Variants in MARCHF8 observed in about 807,000 individuals in gnomAD.
MARCHF8 encodes the protein membrane associated ring-CH-type finger 8, also known as E3 ubiquitin-protein ligase MARCHF8.
A neutral mutation model predicts 51.6 loss-of-function variants in MARCHF8; 40 were observed. The ratio of observed to expected loss-of-function variants is 0.77; its 90% CI spans 0.60 to 1.01. The LOEUF (loss-of-function observed/expected upper bound fraction) is 1.01. Ranked by LOEUF, MARCHF8 falls within the 50% of genes least tolerant of loss-of-function variation. MARCHF8 has a pLI of 0.00. For synonymous variants in MARCHF8, 263 were observed against 280.3 expected, an observed-to-expected ratio of 0.94 and a Z score of 0.62; for missense variants, 685 against 708.6, an observed-to-expected ratio of 0.97 and a Z score of 0.38.
intron 2 of MARCHF8, among the ~76,000 whole-genome samples, chr10:45,519,177 T>C (rs770226271): frequency 8.5e-5 from 13 of 152,266 alleles, no homozygotes; most frequent in Non-Finnish European, 1.5e-4. Flanking sequence ...CATTCAAGCA[T>C]GGGTATCATG....
chr10:45,548,210 C>T (rs1478255640), intron 1 of MARCHF8, among the ~76,000 whole-genome samples: 1 of 152,208 alleles, frequency 6.6e-6, no homozygotes, highest in African/African-American at 2.4e-5. Flanking sequence ...AAGCCTAATG[C>T]TGAAGTCCTG....
At chr10:45,468,638 C>G (rs1274656706) in intron 3 of MARCHF8, among the ~76,000 whole-genome samples, 1 of 152,108 alleles carries the variant, frequency 6.6e-6, no homozygotes, top group African/African-American at 2.4e-5. Context: ...GGTTAAGAGG[C>G]CAGAAGAGCT....
At chr10:45,554,445 T>C (rs1011140429) in intron 1 of MARCHF8, among the ~76,000 whole-genome samples, 6 of 152,180 alleles carry the variant, frequency 3.9e-5, no homozygotes, top group Non-Finnish European at 7.4e-5. Context: ...GGTCACTAAA[T>C]ACAATTTCCC....
intron 1 of MARCHF8, among the ~76,000 whole-genome samples, chr10:45,568,601 C>A (rs2044391560): frequency 6.6e-6 from 1 of 151,754 alleles, no homozygotes; most frequent in Admixed American, 6.6e-5. Context: ...TGCCTGTAAT[C>A]CCAGCTACTC....
upstream of MARCHF8, among the ~76,000 whole-genome samples, chr10:45,538,869 GAA>G (rs1207519673): frequency 2.0e-5 from 3 of 152,158 alleles, no homozygotes. Flanking sequence ...GTAATAATGG[GAA>G]AGTTTTAACA....
rs1007322405 is a variant in MARCHF8, at chr10:45,461,368, G to T, written c.1132C>A (p.Pro378Thr). Reference protein sequence around the residue: ...EGDDESPLITPCHCTGSLHFV... With the variant: ...EGDDESPLITTCHCTGSLHFV... Reference sequence around the variant, plus strand: ...TGGAGGCTTCCTGTGCAGTGGCAGGGGGTGATCAGGGGGCTCTCATCATCT... The same window carrying T: ...TGGAGGCTTCCTGTGCAGTGGCAGGTGGTGATCAGGGGGCTCTCATCATCT... The change falls in exon 6 of 8, where the codon CCC (proline) becomes ACC (threonine). Residue 378 changes from proline (P) to threonine (T), a missense_variant. Transcript: ENST00000453424. The T allele has an allele frequency of 8.1e-6, 13 of 1,597,382 alleles. No individual in the cohort carries two copies. The highest frequency in any genetic ancestry group is 1.4e-5 in the African/African-American group (1 of 73,874).
chr10:45,470,835 T>C (rs904461015), intron 3 of MARCHF8, among the ~76,000 whole-genome samples: 1 of 152,184 alleles, frequency 6.6e-6, no homozygotes, highest in African/African-American at 2.4e-5. Context: ...AGATTACATC[T>C]TGACAAACTT....
intron 1 of MARCHF8, among the ~76,000 whole-genome samples, chr10:45,593,029 C>A (rs1454002951): frequency 1.3e-5 from 2 of 152,156 alleles, no homozygotes; most frequent in Non-Finnish European, 2.9e-5. Flanking sequence ...CCAATTTCCT[C>A]ATTTTTCAGC....
intron 1 of MARCHF8, among the ~76,000 whole-genome samples, chr10:45,553,851 A>ACT (rs1297928394): frequency 1.4e-5 from 2 of 147,646 alleles, no homozygotes; most frequent in Non-Finnish European, 1.5e-5. Context: ...ACACACACAC[A>ACT]CTCTTGCTCA....
chr10:45,536,876 AT>A (rs2043979300), upstream of MARCHF8, among the ~76,000 whole-genome samples: 1 of 146,314 alleles, frequency 6.8e-6, no homozygotes, highest in African/African-American at 2.5e-5. Flanking sequence ...AATAATAATA[AT>A]AATAAAGACA....
intron 2 of MARCHF8, among the ~76,000 whole-genome samples, chr10:45,515,275 A>C (rs996975141): frequency 6.6e-6 from 1 of 152,168 alleles, no homozygotes; most frequent in Non-Finnish European, 1.5e-5. Context: ...AGGCAGTCCA[A>C]TCACCTGTAA....
At chr10:45,460,896 A>AT (rs1158352908) in intron 6 of MARCHF8, among the ~76,000 whole-genome samples, 4 of 152,214 alleles carry the variant, frequency 2.6e-5, no homozygotes, top group Non-Finnish European at 5.9e-5. Context: ...TAATCAGAGA[A>AT]GCAGGACGTC....
chr10:45,485,576 C>T (rs751133472), intron 3 of MARCHF8, among the ~76,000 whole-genome samples: 1 of 152,230 alleles, frequency 6.6e-6, no homozygotes, highest in Non-Finnish European at 1.5e-5. Flanking sequence ...AACCTACCTG[C>T]TTCCTTCTTT....
chr10:45,492,398 T>C (rs967431197), intron 2 of MARCHF8, among the ~76,000 whole-genome samples: 4 of 152,020 alleles, frequency 2.6e-5, no homozygotes, highest in African/African-American at 7.2e-5. Context: ...CCCAGGTTCA[T>C]GCCACTCTCC....
At chr10:45,466,856 C>T (rs1366055513) in intron 3 of MARCHF8, among the ~76,000 whole-genome samples, 1 of 152,204 alleles carries the variant, frequency 6.6e-6, no homozygotes, top group Non-Finnish European at 1.5e-5. Flanking sequence ...TCCATCCTTG[C>T]ATGCCCATGA....
intron 1 of MARCHF8, among the ~76,000 whole-genome samples, chr10:45,544,576 T>A (rs934186544): frequency 6.6e-6 from 1 of 152,208 alleles, no homozygotes; most frequent in African/African-American, 2.4e-5. Flanking sequence ...ACAACATGGA[T>A]GAACCTCAAA....
intron 2 of MARCHF8, among the ~76,000 whole-genome samples, chr10:45,521,319 T>A (rs1210259609): frequency 6.6e-6 from 1 of 152,230 alleles, no homozygotes; most frequent in African/African-American, 2.4e-5. Context: ...CCAAAACCAG[T>A]AATTCCAAGT....
chr10:45,482,778 C>T (rs1228896414), intron 3 of MARCHF8, among the ~76,000 whole-genome samples: 1 of 152,042 alleles, frequency 6.6e-6, no homozygotes, highest in Non-Finnish European at 1.5e-5. Flanking sequence ...ACAACAACAA[C>T]AAAACAAACC....
rs140834032 is a variant in MARCHF8, at chr10:45,522,465, C to T, written c.102+10645G>A. On this transcript the variant is annotated intron_variant, in intron 2 of 7. Coordinates refer to ENST00000453424, the MANE Select transcript of MARCHF8 (RefSeq NM_001282866.2). ...TGCTCTCAGGGAACAGACATCTACA[C>T]ACCTTGGGTAACAATCCTGGGGTGT... Among the ~76,000 whole-genome samples, 94 of 152,324 alleles carry T rather than the reference C, an allele frequency of 6.2e-4. No homozygotes were observed. In the South Asian group the frequency reaches 8.7e-3, roughly 14 times the overall value.
Sources: allele counts gnomAD v4.1 joint callset (sites outside exome capture counted in the v4.1 genomes callset), GRCh38; gene constraint gnomAD v4.1.1; transcripts MANE v1.5; gene names NCBI Gene and HGNC (gene_info 2026-07-23, HGNC 2026-07-21).